The following RABGAP1 variants were observed in gnomAD, a reference collection of about 807,000 sequenced individuals.
RABGAP1 encodes rab GTPase-activating protein 1.
RABGAP1 carries 23 observed loss-of-function variants against 137.6 expected under a neutral mutation model. The observed-to-expected ratio is 0.17, with a 90% CI of 0.12 to 0.24. The LOEUF (loss-of-function observed/expected upper bound fraction) is 0.24, where lower values mean the gene tolerates loss of function less well. RABGAP1 is among the 10% of genes least tolerant of loss of function. The pLI, the probability that RABGAP1 is intolerant of heterozygous loss-of-function variation, is 1.00. For synonymous variants in RABGAP1, 451 were observed against 450.7 expected, an observed-to-expected ratio of 1.00 and a Z score of -0.01; for missense variants, 906 against 1,275.8, an observed-to-expected ratio of 0.71 and a Z score of 4.42.
chr9:122,973,260 C>T (rs556132887), intron 2 of RABGAP1, among the ~76,000 whole-genome samples: 49 of 152,062 alleles, frequency 3.2e-4, no homozygotes, highest in Middle Eastern at 3.4e-3. Flanking sequence ...GCTTTTGAGA[C>T]GGAGTCTCGC....
At chr9:122,997,737 A>G (rs1399531598) in intron 9 of RABGAP1, among the ~76,000 whole-genome samples, 1 of 152,226 alleles carries the variant, frequency 6.6e-6, no homozygotes, top group Admixed American at 6.5e-5. Flanking sequence ...TCCCAAAGGA[A>G]TCACTGTTAG....
At chr9:123,075,720 A>T (rs1438771667) in intron 17 of RABGAP1, among the ~76,000 whole-genome samples, 1 of 152,216 alleles carries the variant, frequency 6.6e-6, no homozygotes, top group African/African-American at 2.4e-5. Flanking sequence ...CCCATAGGAG[A>T]GTATTAGTTA....
intron 23 of RABGAP1, 24 bp downstream of exon 23, chr9:123,098,822 G>A: frequency 6.3e-7 from 1 of 1,587,554 alleles, no homozygotes; most frequent in Non-Finnish European, 8.6e-7. Flanking sequence ...CCCTGGGATT[G>A]GGCTGTGTAA....
At chr9:123,073,402 A>G in intron 15 of RABGAP1, 150 bp from the exon 16 acceptor site, 1 of 933,684 alleles carries the variant, frequency 1.1e-6, no homozygotes, top group Non-Finnish European at 1.6e-6. Context: ...TGTTTTAAAC[A>G]CAACCTTAGG....
In RABGAP1 at chr9:123,073,673, T is replaced by C. The variant is rs2034426252; in HGVS notation, c.2105T>C (p.Met702Thr). ...HCKFYQLERL[M>T]QEYIPDLYNH... ...AAATTTTACCAGTTGGAGCGCCTCATGCAGGTAAAAAGAGAAACCAGCTTG... is the reference window on the plus strand; with the variant it reads ...AAATTTTACCAGTTGGAGCGCCTCACGCAGGTAAAAAGAGAAACCAGCTTG... Residue 702 changes from methionine to threonine, a missense_variant, in exon 16 of 26, where the codon ATG (methionine) becomes ACG (threonine). Physicochemically the swap from Met to Thr is moderately conservative, Grantham distance 81. This residue lies in a region of RABGAP1 where 25 missense variants were observed against 31.7 expected (regional missense o/e 0.79). Coordinates refer to ENST00000373647, the MANE Select transcript of RABGAP1 (RefSeq NM_012197.4). The C allele has an allele frequency of 1.2e-6, 2 of 1,613,778 alleles. No individual in the cohort carries two copies. Among genetic ancestry groups the C allele is most frequent in the Non-Finnish European group, 1.7e-6 (2 of 1,179,786 alleles).
rs930532167 is a variant in RABGAP1 at position 123,055,546 on chromosome 9, C to CTT, written c.1795-9783_1795-9782dup. On this transcript the variant is annotated intron_variant, in intron 13 of 25. Transcript: ENST00000373647. ...CATGCCCAGCCAGATATTTCTTCTT[C>CTT]TTTTTTTTTTTTTTTTTTTTGAGAT... Among the ~76,000 whole-genome samples the CTT allele has an allele frequency of 6.8e-3, 829 of 121,952 alleles. 13 individuals are homozygous for CTT. Among genetic ancestry groups the CTT allele is most frequent in the African/African-American group, 0.024 (755 of 31,354 alleles). The allele number at this position is 121,952 out of a possible 152,430, so 80.0% of individuals were successfully genotyped here.
At chr9:123,027,144 C>G (rs1367301464) in intron 13 of RABGAP1, among the ~76,000 whole-genome samples, 1 of 134,418 alleles carries the variant, frequency 7.4e-6, no homozygotes, top group East Asian at 2.1e-4. Flanking sequence ...GACTCTCGCT[C>G]TCTCGCTCTG....
chr9:123,020,580 T>A, intron 13 of RABGAP1, 121 bp downstream of exon 13: 1 of 1,024,204 alleles, frequency 9.8e-7, no homozygotes, highest in Non-Finnish European at 1.3e-6. Context: ...AATAGAACTG[T>A]TAATACTTCC....
Position 122,957,171 on chromosome 9 carries a change from A to G in RABGAP1, c.112A>G (p.Thr38Ala). ...VSRQGDETPS[T>A]NNGSDDEKTG... is the part of the protein sequence containing the mutation. ...CAGGCAAGGAGATGAGACACCATCT[A>G]CAAATAATGGAAGTGATGATGAGAA... The change falls in exon 2 of 26, where the codon ACA (threonine) becomes GCA (alanine). Residue 38 changes from threonine to alanine, a missense_variant. Transcript: ENST00000373647. 1.3e-6 allele frequency: 2 copies of G among 1,570,056 alleles called. No homozygotes were observed. The highest frequency in any genetic ancestry group is 1.7e-6 in the Non-Finnish European group (2 of 1,149,314).
At chr9:123,077,687 T>C (rs528384124) in intron 19 of RABGAP1, among the ~76,000 whole-genome samples, 1 of 143,298 alleles carries the variant, frequency 7.0e-6, no homozygotes, top group East Asian at 2.0e-4. Flanking sequence ...TTGTATTGTA[T>C]TGTATTTATT....
intron 13 of RABGAP1, among the ~76,000 whole-genome samples, chr9:123,043,658 T>C (rs1019876736): frequency 6.7e-6 from 1 of 149,410 alleles, no homozygotes; most frequent in African/African-American, 2.5e-5. Context: ...GGAGGGTGGG[T>C]GTAACAGAGC....
Position 123,101,685 on chromosome 9 carries a change from C to T in RABGAP1, c.3009C>T (p.Leu1003=), listed in dbSNP as rs200681265. 4.3e-6 allele frequency: 7 copies of T among 1,613,820 alleles called. No homozygotes were observed. The African/African-American group carries it at 8.0e-5, about 18-fold the overall frequency. The change falls in exon 25 of 26, where the codon CTC becomes CTT. Residue 1003 remains leucine (L), a synonymous_variant. Transcript: ENST00000373647. ...DEDTDEEKET[L]KNQLREMELE... is the part of the protein sequence containing the mutation. ...ACACGGATGAAGAGAAAGAGACGCT[C>T]AAGAACCAGCTGAGAGAAATGGAGC...
rs1480560792 is a variant in RABGAP1, at chr9:123,104,606, G to A, written c.*1393G>A. On this transcript the variant is annotated 3_prime_UTR_variant, in exon 26 of 26. Coordinates refer to ENST00000373647, the MANE Select transcript of RABGAP1 (RefSeq NM_012197.4). ...CTTATTGGCTGTACTAACGCTTGCT[G>A]AGGTTATCTGTAATAAGGGAGGTAA... 3 of 152,326 alleles carry A rather than the reference G, an allele frequency of 2.0e-5. No individual in the cohort carries two copies. The highest frequency in any genetic ancestry group is 6.5e-5 in the Admixed American group (1 of 15,274). 9.4% of individuals were successfully genotyped at this position (152,326 alleles called of 1,614,324 possible). A position where few individuals can be genotyped will look rare whatever the true frequency, so the allele number is the denominator to read the frequency against.
intron 11 of RABGAP1, among the ~76,000 whole-genome samples, chr9:123,014,100 A>G (rs997389839): frequency 6.6e-6 from 1 of 152,226 alleles, no homozygotes; most frequent in Admixed American, 6.5e-5. Flanking sequence ...GCAATGAGAT[A>G]TATTCATCCT....
At chr9:122,951,884 T>C (rs1020017883) in intron 1 of RABGAP1, among the ~76,000 whole-genome samples, 1 of 152,230 alleles carries the variant, frequency 6.6e-6, no homozygotes, top group African/African-American at 2.4e-5. Flanking sequence ...ATTGTGAATC[T>C]TTATTTAGCA....
the RABGAP1 span, among the ~76,000 whole-genome samples, chr9:122,935,249 TATC>T: frequency 6.6e-6 from 1 of 152,246 alleles, no homozygotes. Context: ...TTAACTTCAA[TATC>T]ATACAAAAAC....
chr9:122,995,566 ATT>A (rs34683455), intron 6 of RABGAP1, among the ~76,000 whole-genome samples: 1 of 118,456 alleles, frequency 8.4e-6, no homozygotes. Context: ...ATATCAAATG[ATT>A]TTTTTTTTTT....
Position 123,071,975 on chromosome 9 carries a change from C to G in RABGAP1, c.1983+1551C>G, listed in dbSNP as rs193123218. Among the ~76,000 whole-genome samples, 482 of 152,194 alleles carry G rather than the reference C, an allele frequency of 3.2e-3. 1 individual carries two copies. The highest frequency in any genetic ancestry group is 5.2e-3 in the Admixed American group (80 of 15,284). Reference sequence around the variant, plus strand: ...GAGCTTTGAAGCCCAGATAAGGAGTCTGAATCTTGCTTTTCTAAGCAACAG... The same window carrying G: ...GAGCTTTGAAGCCCAGATAAGGAGTGTGAATCTTGCTTTTCTAAGCAACAG... On this transcript the variant is annotated intron_variant, in intron 15 of 25. Coordinates refer to ENST00000373647, the MANE Select transcript of RABGAP1 (RefSeq NM_012197.4).
chr9:122,976,302 C>G (rs1023015196), intron 2 of RABGAP1, among the ~76,000 whole-genome samples: 1 of 152,104 alleles, frequency 6.6e-6, no homozygotes, highest in Non-Finnish European at 1.5e-5. Flanking sequence ...AAATGTAATT[C>G]TTAGTTGTAC....
Sources: allele counts gnomAD v4.1 joint callset (sites outside exome capture counted in the v4.1 genomes callset), GRCh38; gene constraint gnomAD v4.1.1; regional missense constraint gnomAD v4.1.1; transcripts MANE v1.5; gene names NCBI Gene and HGNC (gene_info 2026-07-23, HGNC 2026-07-21).